Variants in APBA1 observed in about 807,000 individuals in gnomAD.
APBA1 encodes the protein amyloid beta precursor protein binding family A member 1.
A neutral mutation model predicts 86.6 loss-of-function variants in APBA1; 55 were observed. That is an observed-to-expected ratio of 0.64 (90% confidence interval 0.51 to 0.80). The LOEUF (loss-of-function observed/expected upper bound fraction) is 0.80. Ranked by LOEUF, APBA1 falls within the 30% of genes least tolerant of loss-of-function variation. The pLI is 0.00. For synonymous variants in APBA1, 511 were observed against 493.9 expected, an observed-to-expected ratio of 1.03 and a Z score of -0.46; for missense variants, 1,090 against 1,183.0, an observed-to-expected ratio of 0.92 and a Z score of 1.15.
At chr9:69,603,590 AT>A (rs1407023385) in intron 1 of APBA1, among the ~76,000 whole-genome samples, 2 of 152,270 alleles carry the variant, frequency 1.3e-5, no homozygotes, top group Non-Finnish European at 2.9e-5. Flanking sequence ...ATACTTCCCA[AT>A]TTTATAAATT....
chr9:69,592,153 T>A (rs1822143407), intron 1 of APBA1, among the ~76,000 whole-genome samples: 1 of 152,246 alleles, frequency 6.6e-6, no homozygotes, highest in African/African-American at 2.4e-5. Flanking sequence ...ATTCATCATT[T>A]TCAATAATTA....
intron 2 of APBA1, among the ~76,000 whole-genome samples, chr9:69,499,617 G>C (rs1835850775): frequency 6.7e-6 from 1 of 148,196 alleles, no homozygotes; most frequent in East Asian, 2.0e-4. Context: ...AAGTCTTAAT[G>C]AATTAGCATG....
chr9:69,516,648 G>A lies in APBA1; in HGVS notation c.563C>T (p.Ala188Val). The A allele has an allele frequency of 6.2e-7, 1 of 1,608,860 alleles. No homozygotes were observed. Reference sequence around the variant, plus strand: ...GTGCTCCTGGAGGCCGCCGTAGTCGGCATAGGGCTCGGAGTAGGGCTCGTC... The same window carrying A: ...GTGCTCCTGGAGGCCGCCGTAGTCGACATAGGGCTCGGAGTAGGGCTCGTC... ...GEDEPYSEPY[A>V]DYGGLQEHVY... The change falls in exon 2 of 13, where the codon GCC (alanine) becomes GTC (valine). Residue 188 changes from alanine (A) to valine (V), a missense_variant. Ala to Val is a moderately conservative substitution (Grantham distance 64, BLOSUM62 0). This residue lies in a region of APBA1 where 678 missense variants were observed against 647.1 expected (regional missense o/e 1.05). Transcript: ENST00000265381. The surrounding 1 kb of genome is among the most constrained non-coding windows in gnomAD (Gnocchi z 7.3).
At chr9:69,450,757 T>C (rs1834993541) in intron 9 of APBA1, among the ~76,000 whole-genome samples, 1 of 152,102 alleles carries the variant, frequency 6.6e-6, no homozygotes, top group Admixed American at 6.5e-5. Context: ...GTGATTAATA[T>C]GGACTCTAAT....
intron 1 of APBA1, among the ~76,000 whole-genome samples, chr9:69,651,407 T>G (rs1476099189): frequency 6.6e-6 from 1 of 152,170 alleles, no homozygotes; most frequent in African/African-American, 2.4e-5. Flanking sequence ...GTTTATACAC[T>G]TTACTGTATG....
At chr9:69,464,480 T>TA (rs1252165911) in intron 5 of APBA1, 1 of 152,264 alleles carries the variant, frequency 6.6e-6, no homozygotes, top group African/African-American at 2.4e-5. Context: ...TATTCTGCTC[T>TA]AGGCAGGTCT....
intron 1 of APBA1, among the ~76,000 whole-genome samples, chr9:69,654,761 A>G (rs948250259): frequency 7.2e-5 from 11 of 152,320 alleles, no homozygotes; most frequent in Non-Finnish European, 1.3e-4. Flanking sequence ...CCAAAAAGAA[A>G]ACTACAGGCC....
chr9:69,617,019 T>C (rs11139511), intron 1 of APBA1, among the ~76,000 whole-genome samples: 55,879 of 151,968 alleles, frequency 0.37, 10,702 homozygotes, highest in South Asian at 0.45. Context: ...CAAGGGCCAT[T>C]GTAACCTTAC....
chr9:69,671,520 C>A (rs1043748410), intron 1 of APBA1, among the ~76,000 whole-genome samples: 7 of 152,312 alleles, frequency 4.6e-5, no homozygotes, highest in Admixed American at 2.0e-4. Context: ...GTCAAAATAA[C>A]AAACACTGTC....
rs1319336632 is a variant in APBA1, at chr9:69,516,712, C to G, written c.499G>C (p.Gly167Arg). 1 of 1,611,390 alleles carries G rather than the reference C, an allele frequency of 6.2e-7. No individual in the cohort carries two copies. The highest frequency in any genetic ancestry group is 1.7e-5 in the Admixed American group (1 of 59,836). The change falls in exon 2 of 13, where the codon GGC (glycine) becomes CGC (arginine). Residue 167 changes from glycine to arginine, a missense_variant. This residue lies in a region of APBA1 where 678 missense variants were observed against 647.1 expected (regional missense o/e 1.05). Transcript: ENST00000265381. The surrounding 1 kb of genome is among the most constrained non-coding windows in gnomAD (Gnocchi z 7.3). The stretch of plus-strand genomic sequence containing the variant: ...AAGAGCCGGTGCGTGTAGACGTAGC[C>G]TGAGTAGGCCGCATTCATGGCTTCC... ...HEEAMNAAYS[G>R]YVYTHRLFHR...
intron 1 of APBA1, among the ~76,000 whole-genome samples, chr9:69,582,249 G>T (rs1821926103): frequency 6.6e-6 from 1 of 152,128 alleles, no homozygotes; most frequent in South Asian, 2.1e-4. Flanking sequence ...TAAATGATCA[G>T]ATACAAAGTA....
Position 69,471,693 on chromosome 9 carries a change from T to C in APBA1, c.1299A>G (p.Ser433=). 4 of 1,613,324 alleles carry C rather than the reference T, an allele frequency of 2.5e-6. No homozygotes were observed. Among genetic ancestry groups the C allele is most frequent in the Non-Finnish European group, 3.4e-6 (4 of 1,179,622 alleles). Residue 433 remains serine, a splice_region_variant and synonymous_variant, in exon 4 of 13, where the codon TCA becomes TCG. Coordinates refer to ENST00000265381, the MANE Select transcript of APBA1 (RefSeq NM_001163.4). Reference sequence around the variant, plus strand: ...TTGGGAATGAAGCCAAGCTTTTTCTTGACTGTAATAAAGACAAAGAGGTTT... The same window carrying C: ...TTGGGAATGAAGCCAAGCTTTTTCTCGACTGTAATAAAGACAAAGAGGTTT... ...DPVEASTNKE[S]RKSLASFPTY... is the part of the protein sequence containing the mutation.
intron 1 of APBA1, among the ~76,000 whole-genome samples, chr9:69,643,866 T>C (rs749755480): frequency 1.3e-5 from 2 of 152,204 alleles, no homozygotes; most frequent in East Asian, 3.8e-4. Flanking sequence ...CTTAATACCA[T>C]TGTAGTACCC....
At chr9:69,446,774 G>C (rs1190655604) in intron 10 of APBA1, among the ~76,000 whole-genome samples, 2 of 152,168 alleles carry the variant, frequency 1.3e-5, no homozygotes, top group African/African-American at 2.4e-5. Flanking sequence ...TGTGCACCTA[G>C]CATCTGCTGT....
chr9:69,523,477 G>GTGTA (rs1401271927), intron 1 of APBA1, among the ~76,000 whole-genome samples: 13 of 80,632 alleles, frequency 1.6e-4, no homozygotes, highest in African/African-American at 6.0e-4. Flanking sequence ...ATATATATAT[G>GTGTA]TATATATATA....
intron 4 of APBA1, among the ~76,000 whole-genome samples, chr9:69,468,261 G>C (rs1209209562): frequency 6.6e-6 from 1 of 152,214 alleles, no homozygotes; most frequent in Non-Finnish European, 1.5e-5. Context: ...TGTTTCTCCT[G>C]TTAGACTGTG....
At chr9:69,593,890 C>A (rs2133967191) in intron 1 of APBA1, among the ~76,000 whole-genome samples, 1 of 152,286 alleles carries the variant, frequency 6.6e-6, no homozygotes, top group African/African-American at 2.4e-5. Flanking sequence ...TAAATGACTG[C>A]CCTTAAATGA....
chr9:69,476,083 G>C lies in APBA1; in HGVS notation c.1261C>G (p.Pro421Ala). ...GAESSSTSLH[P>A]SDPVEASTNK... is the part of the protein sequence containing the mutation. The stretch of plus-strand genomic sequence containing the variant: ...GTGGACGCTTCCACAGGGTCACTGG[G>C]GTGAAGAGATGTGCTTGATGACTCT... Residue 421 changes from proline to alanine, a missense_variant, in exon 3 of 13, where the codon CCC becomes GCC. Coordinates refer to ENST00000265381, the MANE Select transcript of APBA1 (RefSeq NM_001163.4). 1 of 1,614,170 alleles carries C rather than the reference G, an allele frequency of 6.2e-7. No individual in the cohort carries two copies. Among genetic ancestry groups the C allele is most frequent in the Non-Finnish European group, 8.5e-7 (1 of 1,180,014 alleles).
intron 1 of APBA1, among the ~76,000 whole-genome samples, chr9:69,524,254 T>G (rs371423226): frequency 2.0e-5 from 3 of 151,790 alleles, no homozygotes; most frequent in Non-Finnish European, 2.9e-5. Flanking sequence ...ATGAAGAAAA[T>G]TGAGACCCAA....
Sources: gnomAD v4.1 joint callset for allele counts (sites outside exome capture counted in the v4.1 genomes callset) on GRCh38, gnomAD v4.1.1 for gene constraint, gnomAD v4.1.1 regional missense constraint, Gnocchi (gnomAD v3.1) non-coding constraint, MANE v1.5 for transcripts, NCBI Gene and HGNC (gene_info 2026-07-23, HGNC 2026-07-21) for gene names.